TENM3: variants seen among roughly 807,000 people sequenced by gnomAD.
The protein encoded by TENM3 is teneurin transmembrane protein 3, also known as teneurin-3.
A neutral mutation model predicts 255.1 loss-of-function variants in TENM3; 63 were observed. The observed-to-expected ratio is 0.25, with a 90% CI of 0.20 to 0.30. The LOEUF is 0.30. Ranked by LOEUF, TENM3 falls within the 10% of genes least tolerant of loss-of-function variation. The pLI, the probability that TENM3 is intolerant of heterozygous loss-of-function variation, is 1.00. For missense variants in TENM3, 2,929 were observed against 3,461.1 expected, an observed-to-expected ratio of 0.85 and a Z score of 3.86; for synonymous variants, 1,306 against 1,322.3, an observed-to-expected ratio of 0.99 and a Z score of 0.27.
chr4:182,341,859 C>T (rs139063363), intron 2 of TENM3, among the ~76,000 whole-genome samples: 214 of 152,260 alleles, frequency 1.4e-3, no homozygotes, highest in Non-Finnish European at 2.0e-3. Flanking sequence ...GAATCAGCTG[C>T]TTTTCAGGGG....
intron 3 of TENM3, among the ~76,000 whole-genome samples, chr4:182,480,550 CT>C (rs146407184): frequency 0.039 from 5,966 of 151,986 alleles, 167 homozygotes; most frequent in Non-Finnish European, 0.058. Context: ...AACACATTTG[CT>C]TTAAATTCAT....
At chr4:181,582,474 A>T in the TENM3 span, among the ~76,000 whole-genome samples, 15 of 151,954 alleles carry the variant, frequency 9.9e-5, no homozygotes, top group Non-Finnish European at 2.2e-4. Context: ...ATGACTTTAA[A>T]CCAAACAAAC....
chr4:181,457,357 T>A, the TENM3 span, among the ~76,000 whole-genome samples: 1 of 151,782 alleles, frequency 6.6e-6, no homozygotes, highest in Non-Finnish European at 1.5e-5. Context: ...GACATCAATA[T>A]GTTTCCCTCA....
At chr4:181,864,571 C>A in the TENM3 span, among the ~76,000 whole-genome samples, 1 of 152,184 alleles carries the variant, frequency 6.6e-6, no homozygotes, top group Non-Finnish European at 1.5e-5. Flanking sequence ...AGACCACGAA[C>A]TGGGAAACCG....
chr4:181,874,826 C>A, the TENM3 span, among the ~76,000 whole-genome samples: 3 of 152,222 alleles, frequency 2.0e-5, no homozygotes, highest in African/African-American at 7.2e-5. Context: ...TCTACTTGGG[C>A]TCTGCTTCTT....
chr4:181,938,711 A>T, the TENM3 span, among the ~76,000 whole-genome samples: 1 of 152,168 alleles, frequency 6.6e-6, no homozygotes, highest in Non-Finnish European at 1.5e-5. Context: ...GCCCTTTGAG[A>T]GTTTCTTGTG....
chr4:181,758,759 C>T, the TENM3 span, among the ~76,000 whole-genome samples: 1 of 152,206 alleles, frequency 6.6e-6, no homozygotes, highest in Non-Finnish European at 1.5e-5. Flanking sequence ...CCAGCACCTA[C>T]ATCGGGCCTC....
At chr4:181,987,491 C>T in the TENM3 span, among the ~76,000 whole-genome samples, 1 of 152,112 alleles carries the variant, frequency 6.6e-6, no homozygotes, top group Non-Finnish European at 1.5e-5. Context: ...TCCTTTTACA[C>T]AGCCTTGACC....
intron 1 of TENM3, among the ~76,000 whole-genome samples, chr4:182,196,613 G>C (rs1019611676): frequency 2.0e-5 from 3 of 152,062 alleles, no homozygotes; most frequent in African/African-American, 7.2e-5. Flanking sequence ...TTAAGCCCTC[G>C]GGTGTAGTAA....
the TENM3 span, among the ~76,000 whole-genome samples, chr4:181,978,435 T>A: frequency 0.026 from 4,019 of 151,860 alleles, 201 homozygotes; most frequent in African/African-American, 0.092. Flanking sequence ...GGTCATGAGG[T>A]CAGGAGTTCG....
At chr4:181,701,606 C>T in the TENM3 span, among the ~76,000 whole-genome samples, 64,951 of 152,042 alleles carry the variant, frequency 0.43, 15,196 homozygotes, top group East Asian at 0.62. Flanking sequence ...TAGGCCACTG[C>T]GAGATTGCCA....
At chr4:181,619,709 A>G in the TENM3 span, among the ~76,000 whole-genome samples, 25 of 152,254 alleles carry the variant, frequency 1.6e-4, no homozygotes, top group African/African-American at 5.5e-4. Context: ...GATTACAGAC[A>G]TGAGCCACTG....
At chr4:182,322,324 T>A (rs1763105011) in intron 1 of TENM3, among the ~76,000 whole-genome samples, 1 of 152,204 alleles carries the variant, frequency 6.6e-6, no homozygotes, top group South Asian at 2.1e-4. Context: ...ATATCGGTAT[T>A]TGGAAGCAGA....
chr4:182,129,074 C>T, the TENM3 span, among the ~76,000 whole-genome samples: 3 of 152,222 alleles, frequency 2.0e-5, no homozygotes, highest in African/African-American at 7.2e-5. Flanking sequence ...TGGGAAAAGG[C>T]GGGAATAGGG....
At chr4:182,570,256 A>G (rs1050987295) in intron 3 of TENM3, among the ~76,000 whole-genome samples, 9 of 152,162 alleles carry the variant, frequency 5.9e-5, no homozygotes, top group African/African-American at 2.2e-4. Flanking sequence ...AGCAGGACAA[A>G]TCAAAGATTG....
the TENM3 span, among the ~76,000 whole-genome samples, chr4:181,867,602 G>T: frequency 1.3e-5 from 2 of 152,188 alleles, no homozygotes; most frequent in Non-Finnish European, 2.9e-5. Context: ...TACATGCAAA[G>T]ATAGCAATTG....
At position 182,159,433 on chromosome 4, in the gene TENM3, G is replaced by A. The variant is rs796716676; in HGVS notation, c.-76+14679G>A. ...TGGAGCCAGGTGTGCAGTGAGCAATGGATAGTGTGTATGAGTGTGTGTGTG... is the reference window on the plus strand; with the variant it reads ...TGGAGCCAGGTGTGCAGTGAGCAATAGATAGTGTGTATGAGTGTGTGTGTG... On this transcript the variant is annotated intron_variant, in intron 1 of 2. Transcript: ENST00000512480. 2.3e-4 allele frequency among the ~76,000 whole-genome samples: 33 copies of A among 144,450 alleles called. 1 individual carries two copies. The highest frequency in any genetic ancestry group is 7.7e-4 in the African/African-American group (29 of 37,818). The allele number at this position is 144,450 out of a possible 152,430, so 94.8% of individuals were successfully genotyped here.
the TENM3 span, among the ~76,000 whole-genome samples, chr4:181,546,266 C>T: frequency 1.3e-5 from 2 of 152,122 alleles, no homozygotes; most frequent in African/African-American, 4.8e-5. Flanking sequence ...TTCTTCATGG[C>T]CATTGATTAG....
intron 22 of TENM3, among the ~76,000 whole-genome samples, chr4:182,759,510 C>G (rs950820640): frequency 2.0e-5 from 3 of 152,190 alleles, no homozygotes; most frequent in Admixed American, 6.5e-5. Flanking sequence ...AAAATATTTA[C>G]CCAATATTGC....
Sources: gnomAD v4.1 joint callset for allele counts (sites outside exome capture counted in the v4.1 genomes callset) on GRCh38, gnomAD v4.1.1 for gene constraint, MANE v1.5 for transcripts, NCBI Gene and HGNC (gene_info 2026-07-23, HGNC 2026-07-21) for gene names.